Variants in DSTYK observed in about 807,000 individuals in gnomAD.
The protein encoded by DSTYK is RIP-homologous kinase.
DSTYK carries 34 observed loss-of-function variants against 98.7 expected under a neutral mutation model. That is an observed-to-expected ratio of 0.34 (90% CI 0.26 to 0.46). DSTYK has a LOEUF of 0.46. Among genes scored for constraint, DSTYK ranks in the 20% least tolerant of loss-of-function variants. DSTYK has a pLI of 1.00. For missense variants in DSTYK, 962 were observed against 1,181.7 expected, an observed-to-expected ratio of 0.81 and a Z score of 2.73; for synonymous variants, 462 against 457.3, an observed-to-expected ratio of 1.01 and a Z score of -0.13.
At chr1:205,155,242 C>T (rs952092910) in intron 10 of DSTYK, among the ~76,000 whole-genome samples, 1 of 151,824 alleles carries the variant, frequency 6.6e-6, no homozygotes, top group Non-Finnish European at 1.5e-5. Flanking sequence ...CCTTGGCCTC[C>T]CAAAGTGCTG....
At position 205,143,559 on chromosome 1, in the gene DSTYK, T is replaced by G. The variant is rs1224199618; in HGVS notation, c.*3999A>C. On this transcript the variant is annotated 3_prime_UTR_variant, in exon 13 of 13. Coordinates refer to ENST00000367162, the MANE Select transcript of DSTYK (RefSeq NM_015375.3). ...ATGGAATACCAAGCATGCCATCATC[T>G]CTCCAAAGCAAGCCCAAAGGGGGCT... The G allele has an allele frequency of 6.6e-6, 1 of 152,454 alleles. No homozygotes were observed. The highest frequency in any genetic ancestry group is 2.4e-5 in the African/African-American group (1 of 41,378). The allele number at this position is 152,454 out of a possible 1,614,324, so 9.4% of individuals were successfully genotyped here.
At position 205,169,287 on chromosome 1, in the gene DSTYK, C is replaced by T; in HGVS notation, c.1200G>A (p.Glu400=). Residue 400 remains glutamate (E), a synonymous_variant, in exon 3 of 13, where the codon GAG becomes GAA. Coordinates refer to ENST00000367162, the MANE Select transcript of DSTYK (RefSeq NM_015375.3). This position sits in a 1 kb window ranked among gnomAD's most constrained non-coding sequence, Gnocchi z 4.0. ...RLEYTRKKEN[E]LYESLMNIAN... ...CAATATTCATCAATGATTCATACAA[C>T]TCATTCTCCTTTTTTCGAGTATATT... 6.2e-7 allele frequency: 1 copy of T among 1,614,146 alleles called. No individual in the cohort carries two copies. The highest frequency in any genetic ancestry group is 1.3e-5 in the African/African-American group (1 of 75,034).
intron 1 of DSTYK, among the ~76,000 whole-genome samples, chr1:205,207,664 G>A (rs1357731218): frequency 7.1e-6 from 1 of 141,524 alleles, no homozygotes; most frequent in Non-Finnish European, 1.5e-5. Flanking sequence ...GCTGAAGCAG[G>A]AGAATCACGT....
chr1:205,210,869 A>G (rs17345153), intron 1 of DSTYK, among the ~76,000 whole-genome samples: 44,925 of 152,176 alleles, frequency 0.3, 8,671 homozygotes, highest in Non-Finnish European at 0.43. Context: ...CCTCTGCTCC[A>G]TCTCTAAACT....
At chr1:205,198,023 G>A (rs776486094) in intron 1 of DSTYK, among the ~76,000 whole-genome samples, 6 of 152,006 alleles carry the variant, frequency 3.9e-5, no homozygotes, top group East Asian at 1.9e-4. Flanking sequence ...GAGAAACCCC[G>A]TCTCTATTAA....
Position 205,199,957 on chromosome 1 carries a change from G to A in DSTYK, c.265+11314C>T, listed in dbSNP as rs367970825. ...CATTCTGCATTTGAACCACAAAAAC[G>A]AGATGATATAATTTTTCCATCAAAG... On this transcript the variant is annotated intron_variant, in intron 1 of 12. Transcript: ENST00000367162. Among the ~76,000 whole-genome samples, 35 of 152,200 alleles carry A rather than the reference G, an allele frequency of 2.3e-4. 1 individual carries two copies. In the East Asian group the frequency reaches 2.5e-3, roughly 11 times the overall value.
chr1:205,160,577 C>T (rs1657688840), intron 7 of DSTYK, among the ~76,000 whole-genome samples: 1 of 151,950 alleles, frequency 6.6e-6, no homozygotes. Flanking sequence ...CTCAAGTGAT[C>T]CACCCACCGT....
At chr1:205,192,330 G>A (rs1558621872) in intron 1 of DSTYK, among the ~76,000 whole-genome samples, 2 of 152,088 alleles carry the variant, frequency 1.3e-5, no homozygotes, top group South Asian at 2.1e-4. Context: ...TCAGAAGTGC[G>A]AGACCAGCCT....
chr1:205,186,375 G>C (rs1214802003), intron 2 of DSTYK, among the ~76,000 whole-genome samples: 1 of 152,212 alleles, frequency 6.6e-6, no homozygotes, highest in African/African-American at 2.4e-5. Flanking sequence ...CAAGATGAAA[G>C]AAATATGGAC....
At chr1:205,188,715 A>C (rs1415926552) in intron 1 of DSTYK, among the ~76,000 whole-genome samples, 1 of 152,200 alleles carries the variant, frequency 6.6e-6, no homozygotes, top group Non-Finnish European at 1.5e-5. Flanking sequence ...AAATGTATAA[A>C]ATGAAATGTT....
rs1558612516 is a variant in DSTYK, at chr1:205,174,512, C to CAAA, written c.655-4681_655-4680insTTT. On this transcript the variant is annotated intron_variant, in intron 2 of 12. Coordinates refer to ENST00000367162, the MANE Select transcript of DSTYK (RefSeq NM_015375.3). ...TGGGTGACAGAGTGAGACTCCGTCT[C>CAAA]CAAAAAAAAAAAAAAAAAAAATTAG... Among the ~76,000 whole-genome samples the CAAA allele has an allele frequency of 2.3e-4, 9 of 39,970 alleles. 1 individual carries two copies. The highest frequency in any genetic ancestry group is 8.1e-4 in the Admixed American group (2 of 2,472). The allele number at this position is 39,970 out of a possible 152,430, so 26.2% of individuals were successfully genotyped here.
intron 1 of DSTYK, among the ~76,000 whole-genome samples, chr1:205,210,995 C>T (rs1455410378): frequency 1.3e-5 from 2 of 152,194 alleles, no homozygotes; most frequent in African/African-American, 4.8e-5. Context: ...TCCGTCAGCG[C>T]ACACCCCGGT....
At chr1:205,183,646 T>C (rs1658483437) in intron 2 of DSTYK, among the ~76,000 whole-genome samples, 1 of 152,248 alleles carries the variant, frequency 6.6e-6, no homozygotes, top group Admixed American at 6.5e-5. Context: ...ACAAATCAGA[T>C]GGAAGGGCTG....
At position 205,155,667 on chromosome 1, in the gene DSTYK, T is replaced by A. The variant is rs568971179; in HGVS notation, c.2352+1606A>T. ...AGCGAGACTCCATCTCAAAAAAATT[T>A]TTAAAAAAAAGAAAGGAAAAAAAAA... On this transcript the variant is annotated intron_variant, in intron 10 of 12. Transcript: ENST00000367162. Among the ~76,000 whole-genome samples the A allele has an allele frequency of 8.6e-3, 1,297 of 150,584 alleles. 23 individuals are homozygous for A. The highest frequency in any genetic ancestry group is 0.031 in the African/African-American group (1,243 of 40,602).
At chr1:205,152,935 A>C (rs1202009083) in intron 10 of DSTYK, among the ~76,000 whole-genome samples, 1 of 152,148 alleles carries the variant, frequency 6.6e-6, no homozygotes, top group Admixed American at 6.6e-5. Context: ...AGCCTGGTAC[A>C]TATGAAGATC....
At chr1:205,209,923 CAG>C (rs1659322357) in intron 1 of DSTYK, among the ~76,000 whole-genome samples, 3 of 147,866 alleles carry the variant, frequency 2.0e-5, no homozygotes, top group African/African-American at 7.7e-5. Context: ...ATTATTGAGA[CAG>C]AGTCTTGCTC....
At chr1:205,199,595 A>C (rs1430405992) in intron 1 of DSTYK, among the ~76,000 whole-genome samples, 1 of 152,142 alleles carries the variant, frequency 6.6e-6, no homozygotes. Flanking sequence ...TCAACCTCCA[A>C]GCCTGGGAAT....
intron 2 of DSTYK, among the ~76,000 whole-genome samples, chr1:205,181,656 T>TGTGTGTG (rs1558616449): frequency 0.02 from 2,872 of 142,534 alleles, 55 homozygotes; most frequent in Admixed American, 0.029. Context: ...ATGTTGGGGT[T>TGTGTGTG]TGTGTGTGTG....
intron 1 of DSTYK, among the ~76,000 whole-genome samples, chr1:205,206,141 A>T (rs985451856): frequency 1.3e-5 from 2 of 152,264 alleles, no homozygotes; most frequent in African/African-American, 4.8e-5. Flanking sequence ...GCCTAAGGCC[A>T]AGGCCAATGT....
Sources: gnomAD v4.1 joint callset for allele counts (sites outside exome capture counted in the v4.1 genomes callset) on GRCh38, gnomAD v4.1.1 for gene constraint, Gnocchi (gnomAD v3.1) non-coding constraint, MANE v1.5 for transcripts, NCBI Gene and HGNC (gene_info 2026-07-23, HGNC 2026-07-21) for gene names.